The following EFHD1 variants were observed in gnomAD, a reference collection of about 807,000 sequenced individuals.
EFHD1 encodes EF-hand domain family member D1.
In EFHD1, 10 loss-of-function variants were observed where a neutral mutation model predicts 17.2. The observed-to-expected ratio is 0.58, with a 90% CI of 0.36 to 0.99. The LOEUF is 0.99. EFHD1 is among the 50% of genes least tolerant of loss of function. The probability of loss-of-function intolerance (pLI) is 0.01; values close to 1 mark genes in which losing one functional copy is unlikely to be tolerated. For missense variants in EFHD1, 310 were observed against 327.5 expected, an observed-to-expected ratio of 0.95 and a Z score of 0.41; for synonymous variants, 153 against 142.0, an observed-to-expected ratio of 1.08 and a Z score of -0.55.
intron 1 of EFHD1, among the ~76,000 whole-genome samples, chr2:232,636,139 A>G (rs1378630971): frequency 1.3e-5 from 2 of 152,220 alleles, no homozygotes; most frequent in Admixed American, 6.5e-5. Flanking sequence ...ACAACAGCTT[A>G]AATTAATAAC....
chr2:232,613,835 CACAT>C lies in EFHD1; in HGVS notation c.14+7666_14+7669del, dbSNP rs797007768. 1.1e-3 allele frequency among the ~76,000 whole-genome samples: 163 copies of C among 150,864 alleles called. 2 individuals carry two copies. In the South Asian group the frequency reaches 0.012, roughly 11 times the overall value. ...ACACATATACACACACAAATATACA[CACAT>C]ACACACACAAATATATACACACATA... On this transcript the variant is annotated intron_variant, in intron 1 of 3. Transcript: ENST00000409613.
intron 1 of EFHD1, among the ~76,000 whole-genome samples, chr2:232,637,125 G>A (rs1418514539): frequency 6.6e-6 from 1 of 152,144 alleles, no homozygotes; most frequent in East Asian, 1.9e-4. Flanking sequence ...TCATAGTTCT[G>A]GAAATCAGAA....
At chr2:232,634,073 A>C (rs1011880750) in intron 1 of EFHD1, 67 bp downstream of exon 1, 22 of 1,578,910 alleles carry the variant, frequency 1.4e-5, no homozygotes, top group Non-Finnish European at 1.9e-5. Flanking sequence ...TTCTGGTCCG[A>C]AGTCCCGGGC....
intron 1 of EFHD1, among the ~76,000 whole-genome samples, chr2:232,616,581 G>A (rs527847405): frequency 2.0e-4 from 30 of 152,282 alleles, no homozygotes; most frequent in Admixed American, 5.9e-4. Flanking sequence ...TTACAGGCGT[G>A]AGCCACCACA....
chr2:232,635,110 G>A (rs1694293244), intron 1 of EFHD1, among the ~76,000 whole-genome samples: 1 of 152,184 alleles, frequency 6.6e-6, no homozygotes, highest in Non-Finnish European at 1.5e-5. Flanking sequence ...TGGCTTCCAG[G>A]CACTGATCTG....
chr2:232,619,690 C>T (rs1018415340), intron 1 of EFHD1, among the ~76,000 whole-genome samples: 9 of 151,998 alleles, frequency 5.9e-5, no homozygotes, highest in South Asian at 4.1e-4. Flanking sequence ...GTGGTGGTTG[C>T]GCAACACTAG....
chr2:232,625,916 C>T (rs1427330946), intron 1 of EFHD1, among the ~76,000 whole-genome samples: 2 of 152,130 alleles, frequency 1.3e-5, no homozygotes, highest in Non-Finnish European at 2.9e-5. Flanking sequence ...TGAGGCTGGA[C>T]GTGGTGACTC....
chr2:232,676,591 C>T (rs1403683770), intron 3 of EFHD1, among the ~76,000 whole-genome samples: 1 of 152,170 alleles, frequency 6.6e-6, no homozygotes, highest in Admixed American at 6.5e-5. Context: ...CCCTTAGGCC[C>T]CTGGGCCATG....
At chr2:232,674,796 C>T (rs1695140393) in intron 3 of EFHD1, among the ~76,000 whole-genome samples, 1 of 152,042 alleles carries the variant, frequency 6.6e-6, no homozygotes, top group South Asian at 2.1e-4. Flanking sequence ...GGGGATTCAC[C>T]TTGTAATCAA....
At chr2:232,614,057 T>TGCACACACATACATATAC (rs1693872634) in intron 1 of EFHD1, among the ~76,000 whole-genome samples, 6 of 149,892 alleles carry the variant, frequency 4.0e-5, no homozygotes, top group African/African-American at 1.2e-4. Flanking sequence ...CACACATACA[T>TGCACACACATACATATAC]ACACATGCAC....
exon 1 of EFHD1, chr2:232,606,138 G>T: frequency 6.5e-7 from 1 of 1,550,170 alleles, no homozygotes; most frequent in Non-Finnish European, 8.7e-7. Flanking sequence ...GATCTGTAAC[G>T]CTGACAGTCC....
intron 2 of EFHD1, 75 bp downstream of exon 2, chr2:232,663,024 C>T: frequency 6.9e-7 from 1 of 1,446,886 alleles, no homozygotes; most frequent in Admixed American, 3.1e-5. Context: ...CCCACTGGAG[C>T]ACAAATGGGT....
intron 1 of EFHD1, among the ~76,000 whole-genome samples, chr2:232,658,572 A>G (rs968606430): frequency 1.3e-5 from 2 of 152,240 alleles, no homozygotes; most frequent in Non-Finnish European, 2.9e-5. Context: ...TGAACGTTCA[A>G]AGCAACACTA....
intron 1 of EFHD1, among the ~76,000 whole-genome samples, chr2:232,639,307 T>A (rs1054392504): frequency 6.6e-5 from 10 of 152,182 alleles, no homozygotes; most frequent in African/African-American, 2.4e-4. Context: ...CCTTGCAGGA[T>A]TATTAAAAAG....
At chr2:232,676,532 TATC>T (rs1255986617) in intron 3 of EFHD1, among the ~76,000 whole-genome samples, 1 of 152,154 alleles carries the variant, frequency 6.6e-6, no homozygotes, top group Non-Finnish European at 1.5e-5. Context: ...AACGCTGGAA[TATC>T]ATTATCTCAG....
intron 3 of EFHD1, among the ~76,000 whole-genome samples, 175 bp from the exon 4 acceptor site, chr2:232,681,410 G>C (rs577899281): frequency 5.9e-5 from 9 of 152,358 alleles, no homozygotes; most frequent in Non-Finnish European, 1.2e-4. Context: ...TGCGCCAACA[G>C]AAAGCAACTT....
chr2:232,626,371 C>T (rs907138884), intron 1 of EFHD1, among the ~76,000 whole-genome samples: 10 of 147,882 alleles, frequency 6.8e-5, no homozygotes, highest in Non-Finnish European at 6.0e-5. Context: ...CATGGTGAAA[C>T]CTCACCTCTA....
intron 3 of EFHD1, among the ~76,000 whole-genome samples, chr2:232,675,147 G>C (rs1387590601): frequency 2.0e-5 from 3 of 150,280 alleles, no homozygotes; most frequent in Non-Finnish European, 4.4e-5. Flanking sequence ...CTGCACTCCA[G>C]CCTGGGTGAC....
intron 1 of EFHD1, among the ~76,000 whole-genome samples, chr2:232,622,313 CA>C (rs1169608942): frequency 1.3e-5 from 2 of 152,050 alleles, no homozygotes; most frequent in African/African-American, 4.8e-5. Flanking sequence ...ATTAAAAATA[CA>C]AAAAATTAGC....
Sources: allele counts gnomAD v4.1 joint callset (sites outside exome capture counted in the v4.1 genomes callset), GRCh38; gene constraint gnomAD v4.1.1; transcripts MANE v1.5; gene names NCBI Gene and HGNC (gene_info 2026-07-23, HGNC 2026-07-21).